DPF3: variants seen among roughly 807,000 people sequenced by gnomAD.
The protein encoded by DPF3 is zinc finger protein DPF3.
DPF3 carries 18 observed loss-of-function variants against 56.8 expected under a neutral mutation model. The ratio of observed to expected loss-of-function variants is 0.32; its 90% CI spans 0.22 to 0.47. DPF3 has a LOEUF of 0.47. Ranked by LOEUF, DPF3 falls within the 20% of genes least tolerant of loss-of-function variation. DPF3 has a pLI of 1.00. For synonymous variants in DPF3, 188 were observed against 180.2 expected, an observed-to-expected ratio of 1.04 and a Z score of -0.35; for missense variants, 403 against 488.8, an observed-to-expected ratio of 0.82 and a Z score of 1.65.
chr14:72,743,859 A>T (rs1318398537), intron 3 of DPF3, among the ~76,000 whole-genome samples: 2 of 152,248 alleles, frequency 1.3e-5, no homozygotes, highest in Non-Finnish European at 2.9e-5. Flanking sequence ...TGATGTCTAC[A>T]TCATGAAACA....
At chr14:72,651,988 C>T (rs532465823) in intron 8 of DPF3, among the ~76,000 whole-genome samples, 6 of 152,206 alleles carry the variant, frequency 3.9e-5, no homozygotes, top group East Asian at 1.9e-4. Flanking sequence ...GGGGCTGGCA[C>T]GACTCTGTCA....
At chr14:72,626,634 C>A (rs1289694485) in intron 9 of DPF3, among the ~76,000 whole-genome samples, 2 of 152,090 alleles carry the variant, frequency 1.3e-5, no homozygotes, top group African/African-American at 4.8e-5. Context: ...ATGAACAATG[C>A]TACCACAAAT....
intron 1 of DPF3, among the ~76,000 whole-genome samples, chr14:72,809,059 T>C (rs914267362): frequency 1.2e-4 from 19 of 152,212 alleles, no homozygotes; most frequent in Non-Finnish European, 7.3e-5. Context: ...ATTAGTTCCC[T>C]GGAGAGTTGG....
chr14:72,650,733 A>C (rs893447282), intron 8 of DPF3, among the ~76,000 whole-genome samples: 1 of 152,094 alleles, frequency 6.6e-6, no homozygotes, highest in African/African-American at 2.4e-5. Flanking sequence ...AGGTGGATGG[A>C]GCTAGGGGGT....
chr14:72,854,280 C>G (rs193141100), intron 1 of DPF3, among the ~76,000 whole-genome samples: 1 of 150,614 alleles, frequency 6.6e-6, no homozygotes, highest in South Asian at 2.1e-4. Flanking sequence ...TGCTTGAACC[C>G]GGGAGGTGGA....
intron 1 of DPF3, among the ~76,000 whole-genome samples, chr14:72,801,284 T>C (rs983717383): frequency 6.6e-6 from 1 of 152,228 alleles, no homozygotes; most frequent in Non-Finnish European, 1.5e-5. Context: ...CGTGAGGCTC[T>C]GGTCTTGAAA....
At chr14:72,855,703 G>T (rs935363086) in intron 1 of DPF3, among the ~76,000 whole-genome samples, 1 of 152,216 alleles carries the variant, frequency 6.6e-6, no homozygotes, top group African/African-American at 2.4e-5. Context: ...CACTGGCCAA[G>T]GGGATGGTGG....
At chr14:72,640,234 T>G (rs1354296029) in intron 8 of DPF3, among the ~76,000 whole-genome samples, 1 of 152,090 alleles carries the variant, frequency 6.6e-6, no homozygotes, top group Admixed American at 6.6e-5. Context: ...GAGCCTCTTA[T>G]GTAGGCATGA....
intron 3 of DPF3, among the ~76,000 whole-genome samples, chr14:72,752,049 C>T (rs1345872178): frequency 6.6e-6 from 1 of 152,186 alleles, no homozygotes; most frequent in East Asian, 1.9e-4. Flanking sequence ...ACAATCAAAG[C>T]AGTCGTAACC....
At chr14:72,647,956 C>T (rs950664117) in intron 8 of DPF3, among the ~76,000 whole-genome samples, 2 of 152,058 alleles carry the variant, frequency 1.3e-5, no homozygotes, top group African/African-American at 4.8e-5. Flanking sequence ...GTCGTCACTG[C>T]TCATGCACCT....
At chr14:72,760,305 G>A (rs905365238) in intron 2 of DPF3, among the ~76,000 whole-genome samples, 2 of 151,956 alleles carry the variant, frequency 1.3e-5, no homozygotes, top group African/African-American at 4.8e-5. Flanking sequence ...ACCCCATCTC[G>A]ACTAAAAATA....
At chr14:72,861,789 A>C (rs1324126702) in intron 1 of DPF3, among the ~76,000 whole-genome samples, 1 of 151,206 alleles carries the variant, frequency 6.6e-6, no homozygotes, top group Admixed American at 6.6e-5. Flanking sequence ...GAAAGAAAGA[A>C]AGAAAGAAAG....
intron 1 of DPF3, among the ~76,000 whole-genome samples, chr14:72,803,464 AAAG>A (rs1892966474): frequency 1.3e-5 from 2 of 152,226 alleles, no homozygotes; most frequent in Admixed American, 1.3e-4. Flanking sequence ...CACTACAAAA[AAAG>A]AGGTTGTTGC....
intron 3 of DPF3, among the ~76,000 whole-genome samples, chr14:72,746,880 T>A (rs1312608837): frequency 2.0e-5 from 3 of 152,248 alleles, no homozygotes; most frequent in Non-Finnish European, 2.9e-5. Context: ...AGCCCTAGGT[T>A]CTTCCTTTCC....
intron 1 of DPF3, among the ~76,000 whole-genome samples, chr14:72,827,093 A>G (rs1883840923): frequency 6.9e-6 from 1 of 144,662 alleles, no homozygotes; most frequent in Non-Finnish European, 1.5e-5. Flanking sequence ...AAAAGTTAGT[A>G]CAATAGCCTC....
chr14:72,748,970 C>A (rs1055569027), intron 3 of DPF3, among the ~76,000 whole-genome samples: 1 of 152,206 alleles, frequency 6.6e-6, no homozygotes, highest in Non-Finnish European at 1.5e-5. Context: ...AGGGAAATGT[C>A]GGGTGGGAGC....
intron 1 of DPF3, among the ~76,000 whole-genome samples, chr14:72,886,410 G>T (rs879666506): frequency 6.6e-6 from 1 of 152,086 alleles, no homozygotes; most frequent in South Asian, 2.1e-4. Context: ...AACTGATGGT[G>T]GTGATGGTTG....
At chr14:72,706,964 T>C (rs1361988951) in intron 6 of DPF3, among the ~76,000 whole-genome samples, 4 of 152,184 alleles carry the variant, frequency 2.6e-5, no homozygotes, top group Non-Finnish European at 5.9e-5. Flanking sequence ...CTCCTAAAGC[T>C]ATCCCTACCC....
chr14:72,683,942 T>C (rs756640140), intron 7 of DPF3, among the ~76,000 whole-genome samples: 14 of 152,164 alleles, frequency 9.2e-5, no homozygotes, highest in Non-Finnish European at 1.6e-4. Flanking sequence ...GACCACACTG[T>C]CAGATGCAAA....
Sources: gnomAD v4.1 joint callset for allele counts (sites outside exome capture counted in the v4.1 genomes callset) on GRCh38, gnomAD v4.1.1 for gene constraint, MANE v1.5 for transcripts, NCBI Gene and HGNC (gene_info 2026-07-23, HGNC 2026-07-21) for gene names.